Variants in LHFPL2 observed in about 807,000 individuals in gnomAD.
LHFPL2 encodes the protein LHFPL tetraspan subfamily member 2 protein.
LHFPL2 carries 7 observed loss-of-function variants against 17.5 expected under a neutral mutation model. The observed-to-expected ratio is 0.40, with a 90% CI of 0.23 to 0.75. The LOEUF is 0.75. Ranked by LOEUF, LHFPL2 falls within the 30% of genes least tolerant of loss-of-function variation. The probability of loss-of-function intolerance (pLI) is 0.37; values close to 1 mark genes in which losing one functional copy is unlikely to be tolerated. For synonymous variants in LHFPL2, 134 were observed against 116.2 expected (o/e 1.15, Z -0.99); for missense variants, 241 against 294.8 (o/e 0.82, Z 1.34).
intron 4 of LHFPL2, among the ~76,000 whole-genome samples, chr5:78,495,140 G>T (rs746933821): frequency 2.0e-5 from 3 of 152,228 alleles, no homozygotes; most frequent in Non-Finnish European, 4.4e-5. Flanking sequence ...CATACAGTGA[G>T]TATTTCACTG....
chr5:78,514,361 A>AG (rs760157064), intron 3 of LHFPL2, among the ~76,000 whole-genome samples: 1 of 78,730 alleles, frequency 1.3e-5, no homozygotes, highest in African/African-American at 5.1e-5. Context: ...TTCACTTAAA[A>AG]AAAAAAAAAA....
chr5:78,496,009 A>C (rs1173825786), intron 4 of LHFPL2, among the ~76,000 whole-genome samples: 1 of 152,192 alleles, frequency 6.6e-6, no homozygotes. Context: ...ATTCCAATGC[A>C]AATGTTGCCT....
At chr5:78,509,614 G>A (rs1156616898) in intron 4 of LHFPL2, among the ~76,000 whole-genome samples, 170 bp downstream of exon 4, 1 of 152,176 alleles carries the variant, frequency 6.6e-6, no homozygotes, top group Non-Finnish European at 1.5e-5. Flanking sequence ...AGAGACCCAT[G>A]CGAGCAGCAC....
intron 2 of LHFPL2, among the ~76,000 whole-genome samples, chr5:78,622,052 C>G (rs939311237): frequency 6.6e-6 from 1 of 152,060 alleles, no homozygotes; most frequent in Non-Finnish European, 1.5e-5. Flanking sequence ...TCTCAAAATA[C>G]ACACTCTAGA....
At chr5:78,616,136 G>T (rs113894263) in intron 2 of LHFPL2, among the ~76,000 whole-genome samples, 14 of 29,730 alleles carry the variant, frequency 4.7e-4, no homozygotes, top group Middle Eastern at 0.015. Flanking sequence ...TGTTTTGGGG[G>T]TTTTTTTTTG....
intron 3 of LHFPL2, among the ~76,000 whole-genome samples, chr5:78,534,830 G>A (rs1176710118): frequency 2.0e-5 from 3 of 152,206 alleles, no homozygotes; most frequent in Admixed American, 6.5e-5. Flanking sequence ...AAAACTCCCC[G>A]GACCTGCCAA....
chr5:78,571,796 G>A (rs553619971), intron 2 of LHFPL2, among the ~76,000 whole-genome samples: 1 of 152,246 alleles, frequency 6.6e-6, no homozygotes, highest in Admixed American at 6.5e-5. Flanking sequence ...CATATGGATG[G>A]ATAAGGTGGA....
At chr5:78,605,029 A>C (rs1390429490) in intron 2 of LHFPL2, among the ~76,000 whole-genome samples, 1 of 152,232 alleles carries the variant, frequency 6.6e-6, no homozygotes, top group East Asian at 1.9e-4. Context: ...AATGTGCCTG[A>C]AAAACTCATC....
intron 2 of LHFPL2, among the ~76,000 whole-genome samples, chr5:78,627,250 C>T (rs575178900): frequency 7.8e-4 from 119 of 152,210 alleles, no homozygotes; most frequent in African/African-American, 2.6e-3. Context: ...GCAGTGGATG[C>T]CTTGTCCTTT....
Position 78,485,976 on chromosome 5 carries a change from A to T in LHFPL2, c.*2921T>A, listed in dbSNP as rs1018364030. 60 of 152,602 alleles carry T rather than the reference A, an allele frequency of 3.9e-4. No homozygotes were observed. Among genetic ancestry groups the T allele is most frequent in the African/African-American group, 1.4e-3 (57 of 41,444 alleles). The allele number at this position is 152,602 out of a possible 1,614,324, so 9.5% of individuals were successfully genotyped here. Reference sequence around the variant, plus strand: ...GTGGAACTCTCCTTGCCAAAACAGAAACAAACATCCCTGTTTTGACTCCTG... The same window carrying T: ...GTGGAACTCTCCTTGCCAAAACAGATACAAACATCCCTGTTTTGACTCCTG... On this transcript the variant is annotated 3_prime_UTR_variant, in exon 5 of 5. Coordinates refer to ENST00000380345, the MANE Select transcript of LHFPL2 (RefSeq NM_005779.3).
At chr5:78,577,574 G>A (rs184668572) in intron 2 of LHFPL2, among the ~76,000 whole-genome samples, 7 of 152,202 alleles carry the variant, frequency 4.6e-5, no homozygotes, top group Non-Finnish European at 7.4e-5. Context: ...GCCGTACACG[G>A]GTCCATTTGC....
intron 4 of LHFPL2, among the ~76,000 whole-genome samples, chr5:78,489,900 GAA>G (rs1754380932): frequency 1.3e-5 from 1 of 78,860 alleles, no homozygotes; most frequent in South Asian, 5.7e-4. Context: ...GCTTTCTGCA[GAA>G]AGAGTTTGCC....
At chr5:78,593,198 T>C (rs1743705063) in intron 2 of LHFPL2, among the ~76,000 whole-genome samples, 1 of 152,048 alleles carries the variant, frequency 6.6e-6, no homozygotes, top group Non-Finnish European at 1.5e-5. Context: ...TGAGTGCTTT[T>C]CCCGGGGAGC....
At chr5:78,494,919 A>C (rs1754557837) in intron 4 of LHFPL2, among the ~76,000 whole-genome samples, 1 of 152,188 alleles carries the variant, frequency 6.6e-6, no homozygotes, top group Admixed American at 6.5e-5. Flanking sequence ...CACCAGGAAA[A>C]GCCAAGTCAC....
At chr5:78,557,208 ACAGAATACCACAG>A (rs1200057186) in intron 3 of LHFPL2, among the ~76,000 whole-genome samples, 1 of 152,212 alleles carries the variant, frequency 6.6e-6, no homozygotes, top group African/African-American at 2.4e-5. Flanking sequence ...AGCATACAAC[ACAGAATACCACAG>A]CACTGAAAGA....
chr5:78,515,442 T>C (rs927131369), intron 3 of LHFPL2, among the ~76,000 whole-genome samples: 2 of 152,252 alleles, frequency 1.3e-5, no homozygotes, highest in African/African-American at 2.4e-5. Flanking sequence ...GACTGGTAGA[T>C]GCTTGGCCGA....
At chr5:78,597,990 C>T (rs1200634005) in intron 2 of LHFPL2, among the ~76,000 whole-genome samples, 2 of 152,128 alleles carry the variant, frequency 1.3e-5, no homozygotes, top group African/African-American at 2.4e-5. Flanking sequence ...CAACCACAAA[C>T]TAAATAACAA....
intron 2 of LHFPL2, among the ~76,000 whole-genome samples, chr5:78,613,532 G>A (rs1744487877): frequency 6.6e-6 from 1 of 151,960 alleles, no homozygotes; most frequent in Non-Finnish European, 1.5e-5. Flanking sequence ...CCATAAGGTG[G>A]TTGTGAAGAT....
chr5:78,554,560 C>A (rs557456830), intron 3 of LHFPL2, among the ~76,000 whole-genome samples: 4 of 152,362 alleles, frequency 2.6e-5, no homozygotes, highest in Non-Finnish European at 5.9e-5. Flanking sequence ...GCTGCAGAAT[C>A]TGCTTTTGGG....
Sources: allele counts gnomAD v4.1 joint callset (sites outside exome capture counted in the v4.1 genomes callset), GRCh38; gene constraint gnomAD v4.1.1; transcripts MANE v1.5; gene names NCBI Gene and HGNC (gene_info 2026-07-23, HGNC 2026-07-21).